SV2C: variants seen among roughly 807,000 people sequenced by gnomAD.
SV2C encodes the protein synaptic vesicle glycoprotein 2C.
In SV2C, 49 loss-of-function variants were observed where a neutral mutation model predicts 79.7. That is an observed-to-expected ratio of 0.61 (90% CI 0.49 to 0.78). The LOEUF is 0.78. Ranked by LOEUF, SV2C falls within the 30% of genes least tolerant of loss-of-function variation. The pLI is 0.00. For synonymous variants in SV2C, 334 were observed against 333.2 expected, an observed-to-expected ratio of 1.00 and a Z score of -0.03; for missense variants, 833 against 912.9, an observed-to-expected ratio of 0.91 and a Z score of 1.13.
chr5:75,918,660 C>A, the SV2C span, among the ~76,000 whole-genome samples: 4 of 152,204 alleles, frequency 2.6e-5, no homozygotes, highest in Non-Finnish European at 5.9e-5. Flanking sequence ...ACCACTCAGA[C>A]TGTTGCTATT....
the SV2C span, among the ~76,000 whole-genome samples, chr5:75,940,293 G>A: frequency 6.6e-6 from 1 of 152,210 alleles, no homozygotes; most frequent in Non-Finnish European, 1.5e-5. Context: ...GGGCATGGGA[G>A]GCAGAGGTTG....
Position 76,325,172 on chromosome 5 carries a change from A to G in SV2C, c.2001-192A>G, listed in dbSNP as rs560193077. The stretch of plus-strand genomic sequence containing the variant: ...AATGGAAGCTATGGTAAGAAAGTCA[A>G]CAGAGGGCTGGAGGAACAATACCAA... On this transcript the variant is annotated intron_variant, in intron 12 of 12. Transcript: ENST00000502798. 4.6e-5 allele frequency among the ~76,000 whole-genome samples: 7 copies of G among 152,348 alleles called. No individual in the cohort carries two copies. The East Asian group carries it at 7.7e-4, about 17-fold the overall frequency.
At chr5:76,286,401 T>G (rs1037238362) in intron 6 of SV2C, among the ~76,000 whole-genome samples, 17 of 152,224 alleles carry the variant, frequency 1.1e-4, no homozygotes, top group African/African-American at 4.1e-4. Context: ...TGTATACTCA[T>G]AGCAGCCCCA....
chr5:76,197,485 T>G (rs1490279709), intron 3 of SV2C, among the ~76,000 whole-genome samples: 1 of 152,036 alleles, frequency 6.6e-6, no homozygotes, highest in Non-Finnish European at 1.5e-5. Flanking sequence ...CTATAATAAA[T>G]GGTGAGTACC....
chr5:76,233,153 A>C (rs1164239002), intron 4 of SV2C, among the ~76,000 whole-genome samples: 26 of 138,242 alleles, frequency 1.9e-4, no homozygotes, highest in Admixed American at 1.1e-3. Flanking sequence ...GAGGTCCTTC[A>C]CATCCCTTGT....
chr5:76,098,684 CAAACA>C (rs780749226), intron 1 of SV2C, among the ~76,000 whole-genome samples: 10 of 152,084 alleles, frequency 6.6e-5, no homozygotes, highest in East Asian at 1.9e-4. Context: ...GCAAAATGAA[CAAACA>C]AAACAAAACA....
At chr5:76,174,033 A>T in intron 2 of SV2C, 1 of 1,566,996 alleles carries the variant, frequency 6.4e-7, no homozygotes, top group Non-Finnish European at 8.8e-7. Context: ...TCAAGCATAC[A>T]CTGTTGTGCA....
At chr5:76,295,093 C>T (rs1272794689) in intron 8 of SV2C, among the ~76,000 whole-genome samples, 5 of 152,138 alleles carry the variant, frequency 3.3e-5, no homozygotes, top group African/African-American at 1.2e-4. Flanking sequence ...ATGTCTTACT[C>T]CATTTCTGCT....
chr5:75,896,543 C>T, the SV2C span, among the ~76,000 whole-genome samples: 2 of 152,024 alleles, frequency 1.3e-5, no homozygotes, highest in East Asian at 1.9e-4. Flanking sequence ...TGTGTCTTTA[C>T]AACAGCATGA....
At chr5:75,910,669 AGACGAG>A in the SV2C span, 2 of 1,139,608 alleles carry the variant, frequency 1.8e-6, no homozygotes, top group African/African-American at 3.6e-5. Flanking sequence ...CCAAGAAGAA[AGACGAG>A]GCCAAGACTG....
chr5:75,991,174 A>G, the SV2C span, among the ~76,000 whole-genome samples: 2 of 151,970 alleles, frequency 1.3e-5, no homozygotes, highest in Non-Finnish European at 2.9e-5. Context: ...AAAATGTTCT[A>G]TCCTTGATTC....
At chr5:76,291,103 C>T in intron 6 of SV2C, 118 bp from the exon 7 acceptor site, 1 of 609,470 alleles carries the variant, frequency 1.6e-6, no homozygotes, top group Non-Finnish European at 2.9e-6. Flanking sequence ...AACTGATTAC[C>T]AAATACCGCC....
chr5:75,934,556 G>T, the SV2C span, among the ~76,000 whole-genome samples: 1 of 152,030 alleles, frequency 6.6e-6, no homozygotes, highest in Admixed American at 6.6e-5. Context: ...AAAGTGCTGG[G>T]ATTACAGGCT....
At chr5:76,281,082 G>C in intron 4 of SV2C, 2 of 541,906 alleles carry the variant, frequency 3.7e-6, no homozygotes, top group Admixed American at 3.9e-5. Context: ...CACGTGTAAA[G>C]ACTAAAAAAA....
chr5:76,043,120 G>A, the SV2C span, among the ~76,000 whole-genome samples: 3 of 152,130 alleles, frequency 2.0e-5, no homozygotes, highest in Admixed American at 6.5e-5. Context: ...ACGCAATAAC[G>A]AAGTTTACAC....
the SV2C span, among the ~76,000 whole-genome samples, chr5:76,022,594 C>A: frequency 3.3e-5 from 5 of 152,126 alleles, no homozygotes; most frequent in Admixed American, 6.5e-5. Context: ...CCTTCTGTAC[C>A]GGATGCGGTA....
At chr5:76,027,748 G>A in the SV2C span, among the ~76,000 whole-genome samples, 1 of 152,198 alleles carries the variant, frequency 6.6e-6, no homozygotes, top group South Asian at 2.1e-4. Flanking sequence ...TTGCTTTTAA[G>A]ATGTGTTAAG....
rs952536591 is a variant in SV2C at position 76,333,665 on chromosome 5, G to A, written c.*8118G>A. 3 of 152,056 alleles carry A rather than the reference G, an allele frequency of 2.0e-5. No individual in the cohort carries two copies. The highest frequency in any genetic ancestry group is 4.4e-5 in the Non-Finnish European group (3 of 68,028). The allele number at this position is 152,056 out of a possible 1,614,324, so 9.4% of individuals were successfully genotyped here. A position where few individuals can be genotyped will look rare whatever the true frequency, so the allele number is the denominator to read the frequency against. ...GGAGTTTTCATCTTAAGTACAGCTGGTCCTGTTGTGAACTCATCTTTCCTG... is the reference window on the plus strand; with the variant it reads ...GGAGTTTTCATCTTAAGTACAGCTGATCCTGTTGTGAACTCATCTTTCCTG... On this transcript the variant is annotated 3_prime_UTR_variant, in exon 13 of 13. Transcript: ENST00000502798.
chr5:75,861,762 C>T, the SV2C span, among the ~76,000 whole-genome samples: 3,724 of 152,198 alleles, frequency 0.024, 158 homozygotes, highest in African/African-American at 0.085. Context: ...GGGAGCTAAA[C>T]ATTGGGTACT....
Sources: allele counts gnomAD v4.1 joint callset (sites outside exome capture counted in the v4.1 genomes callset), GRCh38; gene constraint gnomAD v4.1.1; transcripts MANE v1.5; gene names NCBI Gene and HGNC (gene_info 2026-07-23, HGNC 2026-07-21).